Variants in RPA1 observed in about 807,000 individuals in gnomAD.
RPA1 encodes the protein replication protein A1.
RPA1 carries 49 observed loss-of-function variants against 83.0 expected under a neutral mutation model. The observed-to-expected ratio is 0.59, with a 90% confidence interval of 0.47 to 0.75. The LOEUF is 0.75. Among genes scored for constraint, RPA1 ranks in the 30% least tolerant of loss-of-function variants. The pLI is 0.00. For missense variants in RPA1, 693 were observed against 776.1 expected (o/e 0.89, Z 1.27); for synonymous variants, 279 against 281.8 (o/e 0.99, Z 0.10).
chr17:1,888,976 T>C, intron 14 of RPA1, 125 bp downstream of exon 14: 2 of 986,364 alleles, frequency 2.0e-6, no homozygotes, highest in Non-Finnish European at 2.9e-6. Flanking sequence ...TGAGTAGGTG[T>C]GGAAGAGCTT....
intron 13 of RPA1, among the ~76,000 whole-genome samples, chr17:1,885,840 T>C (rs1913968612): frequency 6.6e-6 from 1 of 152,238 alleles, no homozygotes; most frequent in African/African-American, 2.4e-5. Flanking sequence ...TATCGCCTCA[T>C]GAAATATGTC....
chr17:1,836,090 C>A (rs538114371), intron 1 of RPA1, among the ~76,000 whole-genome samples: 2 of 151,692 alleles, frequency 1.3e-5, no homozygotes, highest in Non-Finnish European at 2.9e-5. Flanking sequence ...ATTTTGCTTA[C>A]GTATAGTAAA....
chr17:1,896,940 G>A, intron 16 of RPA1, 131 bp from the exon 17 acceptor site: 1 of 741,642 alleles, frequency 1.3e-6, no homozygotes, highest in South Asian at 1.5e-5. Context: ...GTCACTCACT[G>A]GAATGACTGA....
chr17:1,844,509 G>A (rs1321029012), intron 3 of RPA1, 69 bp from the exon 4 acceptor site: 4 of 1,204,014 alleles, frequency 3.3e-6, no homozygotes, highest in Non-Finnish European at 4.9e-6. Flanking sequence ...GCTAGCACAG[G>A]TATGAGTAGC....
At chr17:1,843,638 T>TTATTA (rs1912144400) in intron 2 of RPA1, among the ~76,000 whole-genome samples, 1 of 64,494 alleles carries the variant, frequency 1.6e-5, no homozygotes, top group Non-Finnish European at 4.5e-5. Context: ...TATTATTATT[T>TTATTA]TGGTAATTGA....
chr17:1,845,914 G>A (rs1386004748), intron 4 of RPA1, among the ~76,000 whole-genome samples: 1 of 152,128 alleles, frequency 6.6e-6, no homozygotes, highest in Non-Finnish European at 1.5e-5. Context: ...GGCTGGGCAG[G>A]AGAGTAAGAC....
At position 1,858,289 on chromosome 17, in the gene RPA1, A is replaced by G. The variant is rs145460740; in HGVS notation, c.361+5100A>G. On this transcript the variant is annotated intron_variant, in intron 5 of 16. Coordinates refer to ENST00000254719, the MANE Select transcript of RPA1 (RefSeq NM_002945.5). ...GTTCCCAGGGAGTAACACGGCCGAC[A>G]TGCCAAAAAGAGAGACCCCTGCACT... The G allele has an allele frequency of 1.1e-3, 1,842 of 1,611,320 alleles. 21 individuals carry two copies. The African/African-American group carries it at 0.022, about 19-fold the overall frequency.
intron 13 of RPA1, among the ~76,000 whole-genome samples, chr17:1,885,395 C>A (rs1419317915): frequency 6.6e-6 from 1 of 152,190 alleles, no homozygotes; most frequent in Non-Finnish European, 1.5e-5. Context: ...CAGTGTCTAC[C>A]TTGAGGGTTG....
In RPA1 at chr17:1,853,874, C is replaced by T. The variant is rs143417878; in HGVS notation, c.361+685C>T. Among the ~76,000 whole-genome samples, 17 of 152,312 alleles carry T rather than the reference C, an allele frequency of 1.1e-4. No individual in the cohort carries two copies. The East Asian group carries it at 2.9e-3, about 26-fold the overall frequency. ...CAGTCTATACTCCTGTGATAACACT[C>T]ACTGCACTGGTAGCTTTTAGAATTA... On this transcript the variant is annotated intron_variant, in intron 5 of 16. Coordinates refer to ENST00000254719, the MANE Select transcript of RPA1 (RefSeq NM_002945.5).
chr17:1,836,527 CTCCTT>C (rs1417520739), intron 1 of RPA1, among the ~76,000 whole-genome samples: 1 of 152,194 alleles, frequency 6.6e-6, no homozygotes, highest in African/African-American at 2.4e-5. Flanking sequence ...ACTCCTCTTG[CTCCTT>C]CCCCACCTCC....
chr17:1,879,143 G>A, intron 9 of RPA1, 72 bp from the exon 10 acceptor site: 3 of 1,610,158 alleles, frequency 1.9e-6, no homozygotes, highest in Non-Finnish European at 2.5e-6. Flanking sequence ...GGAGGGGTGT[G>A]TGGTGGCAGA....
At chr17:1,869,275 G>T (rs988481978) in intron 5 of RPA1, among the ~76,000 whole-genome samples, 2 of 151,986 alleles carry the variant, frequency 1.3e-5, no homozygotes, top group Non-Finnish European at 2.9e-5. Context: ...GGTGGCTTAT[G>T]CCTGTAATCC....
chr17:1,849,529 T>C (rs1300636242), intron 4 of RPA1, among the ~76,000 whole-genome samples: 1 of 151,940 alleles, frequency 6.6e-6, no homozygotes, highest in East Asian at 1.9e-4. Flanking sequence ...CCTGACCTCA[T>C]GATCTGCCCA....
chr17:1,862,802 A>G (rs965877369), intron 5 of RPA1, among the ~76,000 whole-genome samples: 8 of 131,252 alleles, frequency 6.1e-5, no homozygotes, highest in South Asian at 2.4e-4. Context: ...GCTCACTGCA[A>G]CCTCCCCCGG....
chr17:1,854,698 G>A (rs905766368), intron 5 of RPA1, among the ~76,000 whole-genome samples: 5 of 152,124 alleles, frequency 3.3e-5, no homozygotes, highest in African/African-American at 9.7e-5. Flanking sequence ...GCAAGTGTCC[G>A]CTATTCCCCA....
In RPA1 at chr17:1,833,871, G is replaced by T. The variant is rs1014804071; in HGVS notation, c.33+3745G>T. ...CTCAAAAGAAAAAAAGAAAAGAATG[G>T]TTCTTCACTTTTAAAAAGACTGATC... is the stretch of plus-strand genomic sequence containing the variant. On this transcript the variant is annotated intron_variant, in intron 1 of 16. Coordinates refer to ENST00000254719, the MANE Select transcript of RPA1 (RefSeq NM_002945.5). Among the ~76,000 whole-genome samples, 4 of 151,292 alleles carry T rather than the reference G, an allele frequency of 2.6e-5. No homozygotes were observed. In the South Asian group the frequency reaches 8.4e-4, roughly 32 times the overall value.
chr17:1,878,838 C>T (rs926603281), intron 8 of RPA1, among the ~76,000 whole-genome samples, 155 bp from the exon 9 acceptor site: 8 of 152,052 alleles, frequency 5.3e-5, no homozygotes, highest in Non-Finnish European at 1.0e-4. Context: ...CTGGGATGTC[C>T]GTAGCCCTCT....
intron 5 of RPA1, chr17:1,858,594 G>A: frequency 1.6e-6 from 1 of 612,650 alleles, no homozygotes; most frequent in South Asian, 1.9e-5. Context: ...CTCCTGAGTA[G>A]CTGGGACTAT....
At chr17:1,856,620 T>C (rs1912708715) in intron 5 of RPA1, among the ~76,000 whole-genome samples, 1 of 151,698 alleles carries the variant, frequency 6.6e-6, no homozygotes, top group South Asian at 2.1e-4. Context: ...AAAACGAAAC[T>C]ATATATAGTT....
Sources: allele counts gnomAD v4.1 joint callset (sites outside exome capture counted in the v4.1 genomes callset), GRCh38; gene constraint gnomAD v4.1.1; transcripts MANE v1.5; gene names NCBI Gene and HGNC (gene_info 2026-07-23, HGNC 2026-07-21).